Variants in GLRB observed in about 807,000 individuals in gnomAD.
GLRB encodes glycine receptor beta.
GLRB carries 33 observed loss-of-function variants against 54.2 expected under a neutral mutation model. The observed-to-expected ratio is 0.61, with a 90% CI of 0.46 to 0.81. The LOEUF is 0.81. Among genes scored for constraint, GLRB ranks in the 40% least tolerant of loss-of-function variants. GLRB has a pLI of 0.00. For synonymous variants in GLRB, 209 were observed against 208.2 expected (o/e 1.00, Z -0.03); for missense variants, 572 against 584.6 (o/e 0.98, Z 0.22).
At chr4:157,170,354 T>A in intron 9 of GLRB, 78 bp from the exon 10 acceptor site, 6 of 847,106 alleles carry the variant, frequency 7.1e-6, no homozygotes, top group Non-Finnish European at 7.8e-6. Flanking sequence ...AACTAGCAAT[T>A]TTAAAAATAT....
At chr4:157,110,138 C>G (rs371576706) in intron 2 of GLRB, among the ~76,000 whole-genome samples, 3 of 151,862 alleles carry the variant, frequency 2.0e-5, no homozygotes, top group East Asian at 3.9e-4. Context: ...TTTCTGGTGA[C>G]CAGCCCCCAT....
intron 4 of GLRB, among the ~76,000 whole-genome samples, chr4:157,123,813 A>G (rs1450759675): frequency 6.6e-6 from 1 of 151,684 alleles, no homozygotes; most frequent in Non-Finnish European, 1.5e-5. Context: ...ACACCACTAC[A>G]CTAATACAGA....
intron 2 of GLRB, among the ~76,000 whole-genome samples, chr4:157,090,009 C>A (rs1008004928): frequency 5.3e-5 from 8 of 152,134 alleles, no homozygotes; most frequent in African/African-American, 1.9e-4. Context: ...CTCATCTCTG[C>A]TTTTATGGTC....
chr4:157,166,394 T>C (rs1737709037), intron 9 of GLRB, among the ~76,000 whole-genome samples: 1 of 152,090 alleles, frequency 6.6e-6, no homozygotes, highest in African/African-American at 2.4e-5. Flanking sequence ...ATAGTATTTA[T>C]AGTGTAAACT....
chr4:157,159,204 T>C (rs1737367369), intron 9 of GLRB, among the ~76,000 whole-genome samples: 1 of 152,208 alleles, frequency 6.6e-6, no homozygotes, highest in South Asian at 2.1e-4. Flanking sequence ...TTTGCTGAAG[T>C]TGCTTATCAG....
intron 8 of GLRB, among the ~76,000 whole-genome samples, chr4:157,144,860 A>C (rs1736749712): frequency 6.6e-6 from 1 of 152,238 alleles, no homozygotes; most frequent in African/African-American, 2.4e-5. Flanking sequence ...CTAGGAAAGA[A>C]GCCATGAAAA....
chr4:157,125,060 A>T (rs545546459), intron 4 of GLRB, among the ~76,000 whole-genome samples: 15 of 151,904 alleles, frequency 9.9e-5, no homozygotes, highest in Non-Finnish European at 1.8e-4. Context: ...ACATTAAAAT[A>T]TCTTTCAAAA....
intron 2 of GLRB, among the ~76,000 whole-genome samples, chr4:157,105,509 T>C (rs759131257): frequency 3.3e-5 from 5 of 152,086 alleles, no homozygotes; most frequent in South Asian, 2.1e-4. Flanking sequence ...TTGGATGAAA[T>C]GTTCTGTATT....
chr4:157,138,972 A>T (rs747724836), intron 7 of GLRB, 23 bp downstream of exon 7: 1 of 1,243,534 alleles, frequency 8.0e-7, no homozygotes, highest in Non-Finnish European at 1.2e-6. Context: ...CTTTAAATAA[A>T]ACGAAGTTCT....
rs138900623 is a variant in GLRB, at chr4:157,117,002, G to T, written c.123-3554G>T. On this transcript the variant is annotated intron_variant, in intron 2 of 9. Transcript: ENST00000264428. ...CTTGTTTGATTTTCAAAAGATTTTT[G>T]TCAAACAATGTTGAGTTTTTGTTGC... Among the ~76,000 whole-genome samples, 864 of 151,626 alleles carry T rather than the reference G, an allele frequency of 5.7e-3. 10 individuals carry two copies. The highest frequency in any genetic ancestry group is 0.019 in the African/African-American group (797 of 41,400).
chr4:157,085,632 GA>G (rs769382596), intron 2 of GLRB, among the ~76,000 whole-genome samples: 1 of 151,972 alleles, frequency 6.6e-6, no homozygotes, highest in South Asian at 2.1e-4. Context: ...GAGTAGCTGG[GA>G]CTACAGGTGC....
At chr4:157,118,885 T>G (rs928706657) in intron 2 of GLRB, among the ~76,000 whole-genome samples, 13 of 151,708 alleles carry the variant, frequency 8.6e-5, no homozygotes, top group South Asian at 4.1e-4. Context: ...CTGTGCTAGG[T>G]GCTTCAAGTA....
chr4:157,092,788 T>C (rs1475099052), intron 2 of GLRB, among the ~76,000 whole-genome samples: 1 of 152,190 alleles, frequency 6.6e-6, no homozygotes, highest in Non-Finnish European at 1.5e-5. Context: ...TATAGCTTTC[T>C]TAAGGTCATA....
intron 2 of GLRB, among the ~76,000 whole-genome samples, chr4:157,116,004 C>T (rs1735596106): frequency 6.6e-6 from 1 of 151,734 alleles, no homozygotes; most frequent in South Asian, 2.1e-4. Context: ...TACTCATCCA[C>T]ACCTGTTTTG....
In GLRB at chr4:157,143,903, TCTC is replaced by T. The variant is rs1736709510; in HGVS notation, c.851_853del (p.Ser284del). The T allele has an allele frequency of 6.2e-7, 1 of 1,614,044 alleles. No homozygotes were observed. The highest frequency in any genetic ancestry group is 8.5e-7 in the Non-Finnish European group (1 of 1,180,004). ...GCCCCAACTCTGCTCATTGTTGTTC[TCTC>T]CTGGCTTTCCTTCTGGATCAACCCG... On this transcript the variant is annotated inframe_deletion, in exon 8 of 10. Coordinates refer to ENST00000264428, the MANE Select transcript of GLRB (RefSeq NM_000824.5).
chr4:157,138,147 C>T (rs1038864426), intron 6 of GLRB, among the ~76,000 whole-genome samples: 1 of 152,206 alleles, frequency 6.6e-6, no homozygotes, highest in South Asian at 2.1e-4. Flanking sequence ...TCTCAGCTCA[C>T]TGCAACCTCC....
At chr4:157,142,649 A>G (rs957656711) in intron 7 of GLRB, among the ~76,000 whole-genome samples, 1 of 152,174 alleles carries the variant, frequency 6.6e-6, no homozygotes, top group Non-Finnish European at 1.5e-5. Context: ...AGTTAGGAAG[A>G]CCAGGTAAAT....
At chr4:157,100,247 T>G (rs900373580) in intron 2 of GLRB, among the ~76,000 whole-genome samples, 1 of 152,214 alleles carries the variant, frequency 6.6e-6, no homozygotes, top group Non-Finnish European at 1.5e-5. Flanking sequence ...TTACTTTATA[T>G]TTCACATTTA....
intron 1 of GLRB, among the ~76,000 whole-genome samples, chr4:157,077,403 A>G (rs1285076021): frequency 1.3e-5 from 2 of 152,118 alleles, no homozygotes; most frequent in Admixed American, 1.3e-4. Context: ...GTAGCTTGCC[A>G]ATGTAATGTG....
Sources: gnomAD v4.1 joint callset for allele counts (sites outside exome capture counted in the v4.1 genomes callset) on GRCh38, gnomAD v4.1.1 for gene constraint, MANE v1.5 for transcripts, NCBI Gene and HGNC (gene_info 2026-07-23, HGNC 2026-07-21) for gene names.